Variants in ANAPC1 observed in about 807,000 individuals in gnomAD.
ANAPC1 encodes anaphase-promoting complex subunit 1.
A neutral mutation model predicts 208.0 loss-of-function variants in ANAPC1; 36 were observed. The observed-to-expected ratio is 0.17, with a 90% CI of 0.13 to 0.23. The LOEUF (loss-of-function observed/expected upper bound fraction) is 0.23, where lower values mean the gene tolerates loss of function less well. Among genes scored for constraint, ANAPC1 ranks in the 10% least tolerant of loss-of-function variants. The pLI is 1.00. For missense variants in ANAPC1, 942 were observed against 2,011.6 expected (o/e 0.47, Z 10.17); for synonymous variants, 378 against 695.2 (o/e 0.54, Z 7.18).
At position 111,770,201 on chromosome 2, in the gene ANAPC1, T is replaced by TTATATA. The variant is rs3055943; in HGVS notation, c.5720-801_5720-796dup. 8.5e-3 allele frequency among the ~76,000 whole-genome samples: 692 copies of TTATATA among 81,356 alleles called. 3 individuals are homozygous for TTATATA. The highest frequency in any genetic ancestry group is 0.036 in the South Asian group (78 of 2,186). The allele number at this position is 81,356 out of a possible 152,430, so 53.4% of individuals were successfully genotyped here. On this transcript the variant is annotated intron_variant, in intron 47 of 47. Coordinates refer to ENST00000341068, the MANE Select transcript of ANAPC1 (RefSeq NM_022662.4). ...GTGAAACTACTAATATTGTTTAATT[T>TTATATA]TATATATATATATATATATATATAT... is the stretch of plus-strand genomic sequence containing the variant.
At chr2:111,826,313 T>C (rs1679828012) in intron 21 of ANAPC1, among the ~76,000 whole-genome samples, 1 of 152,232 alleles carries the variant, frequency 6.6e-6, no homozygotes, top group Non-Finnish European at 1.5e-5. Context: ...CAATATAGTA[T>C]ACTTTCATCA....
chr2:111,877,113 C>G (rs931519078), intron 3 of ANAPC1, among the ~76,000 whole-genome samples: 1 of 150,730 alleles, frequency 6.6e-6, no homozygotes, highest in Non-Finnish European at 1.5e-5. Context: ...CTTCACCATG[C>G]CTTTTCTAAA....
intron 11 of ANAPC1, 84 bp from the exon 12 acceptor site, chr2:111,856,970 A>C (rs1018662492): frequency 6.4e-6 from 7 of 1,095,070 alleles, no homozygotes; most frequent in Non-Finnish European, 9.4e-6. Context: ...AGAAAAAGAC[A>C]ATCTCAGAAG....
chr2:111,845,842 G>A (rs533780341), intron 16 of ANAPC1, among the ~76,000 whole-genome samples: 4 of 151,984 alleles, frequency 2.6e-5, no homozygotes, highest in Admixed American at 6.5e-5. Flanking sequence ...GGGCGTGGTG[G>A]CGGGCACCTG....
intron 14 of ANAPC1, among the ~76,000 whole-genome samples, chr2:111,848,656 A>C (rs1681223272): frequency 6.6e-6 from 1 of 151,708 alleles, no homozygotes; most frequent in Non-Finnish European, 1.5e-5. Context: ...GGGTGCCTGT[A>C]GTCCCAGCTA....
rs562653897 is a variant in ANAPC1 at position 111,863,411 on chromosome 2, C to T, written c.1052+264G>A. ...AGGCGCCTGTAGTCCCAGCTGGAGGCTGAGGCAGGAGAATGGCATGAACCC... is the reference window on the plus strand; with the variant it reads ...AGGCGCCTGTAGTCCCAGCTGGAGGTTGAGGCAGGAGAATGGCATGAACCC... On this transcript the variant is annotated intron_variant, in intron 9 of 47. Transcript: ENST00000341068. 4.0e-5 allele frequency among the ~76,000 whole-genome samples: 6 copies of T among 150,394 alleles called. No individual in the cohort carries two copies. In the East Asian group the frequency reaches 1.2e-3, roughly 30 times the overall value.
chr2:111,872,058 T>C (rs916088994), intron 6 of ANAPC1, among the ~76,000 whole-genome samples: 3 of 152,236 alleles, frequency 2.0e-5, no homozygotes, highest in African/African-American at 7.2e-5. Flanking sequence ...GTAGGCATCT[T>C]AGTCTTCTTC....
intron 20 of ANAPC1, among the ~76,000 whole-genome samples, chr2:111,832,383 T>C (rs1389221792): frequency 6.8e-6 from 1 of 147,426 alleles, no homozygotes; most frequent in Admixed American, 6.7e-5. Context: ...AAAAGAAACA[T>C]CCAGGATTCA....
At chr2:111,854,400 T>G (rs1681585055) in intron 13 of ANAPC1, among the ~76,000 whole-genome samples, 2 of 152,146 alleles carry the variant, frequency 1.3e-5, no homozygotes, top group Admixed American at 6.5e-5. Flanking sequence ...CTAAGATTTT[T>G]GGAATGGTAA....
chr2:111,881,930 A>G (rs1044273967), intron 1 of ANAPC1, among the ~76,000 whole-genome samples: 4 of 152,210 alleles, frequency 2.6e-5, no homozygotes, highest in Non-Finnish European at 4.4e-5. Flanking sequence ...CACGCCTATA[A>G]TCCCAGCACT....
chr2:111,865,067 C>T lies in ANAPC1; in HGVS notation c.686-116G>A, dbSNP rs951847418. The T allele has an allele frequency of 2.4e-5, 22 of 906,196 alleles. 2 individuals are homozygous for T. The highest frequency in any genetic ancestry group is 3.3e-5 in the Non-Finnish European group (21 of 629,054). The allele number at this position is 906,196 out of a possible 1,614,324, so 56.1% of individuals were successfully genotyped here. A position where few individuals can be genotyped will look rare whatever the true frequency, so the allele number is the denominator to read the frequency against. On this transcript the variant is annotated intron_variant, in intron 7 of 47. Coordinates refer to ENST00000341068, the MANE Select transcript of ANAPC1 (RefSeq NM_022662.4). ...AAGAACAACCAAGCCAAAGAGAGCA[C>T]AAAATTTATTACTATCTTAAATAAT...
intron 43 of ANAPC1, among the ~76,000 whole-genome samples, chr2:111,780,923 G>A (rs1040237051): frequency 2.8e-5 from 4 of 141,490 alleles, no homozygotes; most frequent in African/African-American, 1.2e-4. Context: ...GATGGATGGT[G>A]GTGATGGTTG....
At chr2:111,851,385 G>A (rs1681387024) in intron 13 of ANAPC1, among the ~76,000 whole-genome samples, 1 of 149,990 alleles carries the variant, frequency 6.7e-6, no homozygotes, top group Non-Finnish European at 1.5e-5. Context: ...AATTTCTCTT[G>A]GTTGGATTCC....
Position 111,831,387 on chromosome 2 carries a change from G to A in ANAPC1, c.2524C>T (p.Pro842Ser). ...GAACTCACCCACTGATAAATACTTG[G>A]TGGCTCAGACGTAAAAAATGATGGA... ...HHPSFFTSEP[P>S]SIYQWVSSCL... The change falls in exon 21 of 48, where the codon CCA becomes TCA. Residue 842 changes from proline to serine, a missense_variant. Coordinates refer to ENST00000341068, the MANE Select transcript of ANAPC1 (RefSeq NM_022662.4). 8.1e-6 allele frequency: 13 copies of A among 1,611,706 alleles called. No individual in the cohort carries two copies. Among genetic ancestry groups the A allele is most frequent in the Non-Finnish European group, 1.1e-5 (13 of 1,179,756 alleles).
Position 111,821,330 on chromosome 2 carries a change from T to C in ANAPC1, c.3115A>G (p.Arg1039Gly), listed in dbSNP as rs1273579465. The part of the protein sequence containing the change: ...SEDLRVQDVR[R>G]LLQSAHPVRV... ...ACAGGATGCGCACTCTGAAGAAGCC[T>C]TCGCACATCCTGCACCCTTAAATCT... Residue 1039 changes from arginine (R) to glycine (G), a missense_variant, in exon 26 of 48, where the codon AGG becomes GGG. Physicochemically the swap from Arg to Gly is moderately radical, Grantham distance 125 (BLOSUM62 -2). Transcript: ENST00000341068. The C allele has an allele frequency of 9.3e-6, 15 of 1,611,292 alleles. No individual in the cohort carries two copies. Among genetic ancestry groups the C allele is most frequent in the Middle Eastern group, 4.0e-4 (2 of 4,966 alleles).
chr2:111,854,488 G>A (rs1283827674), intron 13 of ANAPC1, among the ~76,000 whole-genome samples: 2 of 152,140 alleles, frequency 1.3e-5, no homozygotes, highest in Non-Finnish European at 2.9e-5. Flanking sequence ...TTGAAGCCAG[G>A]CACTGACTTC....
At chr2:111,841,110 G>C (rs143331907) in intron 17 of ANAPC1, among the ~76,000 whole-genome samples, 1 of 152,140 alleles carries the variant, frequency 6.6e-6, no homozygotes, top group African/African-American at 2.4e-5. Flanking sequence ...ATTGCAGAGA[G>C]CAATTCCTTC....
At chr2:111,784,089 C>T in intron 41 of ANAPC1, 125 bp from the exon 42 acceptor site, 2 of 932,794 alleles carry the variant, frequency 2.1e-6, no homozygotes, top group Non-Finnish European at 3.4e-6. Context: ...AGTTAACAAG[C>T]TCCATTTCCA....
At chr2:111,787,412 A>C (rs1337608685) in intron 39 of ANAPC1, among the ~76,000 whole-genome samples, 1 of 150,644 alleles carries the variant, frequency 6.6e-6, no homozygotes, top group South Asian at 2.1e-4. Context: ...TAAAACAGCT[A>C]TCTTTCTTCT....
Sources: gnomAD v4.1 joint callset for allele counts (sites outside exome capture counted in the v4.1 genomes callset) on GRCh38, gnomAD v4.1.1 for gene constraint, MANE v1.5 for transcripts, NCBI Gene and HGNC (gene_info 2026-07-23, HGNC 2026-07-21) for gene names.